TGFBR3: variants seen among roughly 807,000 people sequenced by gnomAD.
The protein encoded by TGFBR3 is transforming growth factor beta receptor 3.
Under a neutral mutation model 87.9 loss-of-function variants are expected in TGFBR3, and 46 were observed. That is an observed-to-expected ratio of 0.52 (90% confidence interval 0.41 to 0.67). The LOEUF (loss-of-function observed/expected upper bound fraction) is 0.67, where lower values mean the gene tolerates loss of function less well. TGFBR3 is among the 30% of genes least tolerant of loss of function. The pLI, the probability that TGFBR3 is intolerant of heterozygous loss-of-function variation, is 0.00. For missense variants in TGFBR3, 866 were observed against 1,041.9 expected (o/e 0.83, Z 2.32); for synonymous variants, 381 against 391.6 (o/e 0.97, Z 0.32).
rs143616364 is a variant in TGFBR3, at chr1:91,812,975, C to G, written c.62-15504G>C. ...GTTTTTTTCCAGTTCTGGCTGCAGG[C>G]CTGTGTCTCTGCCTCAAGCCTATCA... On this transcript the variant is annotated intron_variant, in intron 2 of 16. Transcript: ENST00000212355. Among the ~76,000 whole-genome samples the G allele has an allele frequency of 7.6e-3, 1,164 of 152,234 alleles. 30 individuals are homozygous for G. The highest frequency in any genetic ancestry group is 0.058 in the Admixed American group (883 of 15,278).
At chr1:91,770,571 T>C (rs1263936389) in intron 3 of TGFBR3, among the ~76,000 whole-genome samples, 2 of 152,236 alleles carry the variant, frequency 1.3e-5, no homozygotes, top group Non-Finnish European at 2.9e-5. Flanking sequence ...ATGTTAACTA[T>C]AGCTTGAATA....
At chr1:91,728,898 C>G (rs1325885311) in intron 6 of TGFBR3, among the ~76,000 whole-genome samples, 2 of 152,062 alleles carry the variant, frequency 1.3e-5, no homozygotes, top group East Asian at 3.9e-4. Context: ...CTTTAATTCC[C>G]TAATTATTCT....
intron 2 of TGFBR3, among the ~76,000 whole-genome samples, chr1:91,858,766 T>C (rs1678064194): frequency 6.6e-6 from 1 of 152,020 alleles, no homozygotes; most frequent in African/African-American, 2.4e-5. Context: ...TTATAAAATC[T>C]GTAATTCATC....
chr1:91,867,266 A>T (rs1678422045), intron 1 of TGFBR3, among the ~76,000 whole-genome samples: 1 of 152,244 alleles, frequency 6.6e-6, no homozygotes, highest in Non-Finnish European at 1.5e-5. Context: ...TTACTCTGGA[A>T]CCACCTGTAC....
Position 91,700,587 on chromosome 1 carries a change from T to C in TGFBR3, c.2288-2457A>G, listed in dbSNP as rs141059256. On this transcript the variant is annotated intron_variant, in intron 14 of 16. Coordinates refer to ENST00000212355, the MANE Select transcript of TGFBR3 (RefSeq NM_003243.5). ...ACATAGTGGCCCTGGAATGAGGATA[T>C]ATGCAAAAGTATACTTAAATACAAT... Among the ~76,000 whole-genome samples the C allele has an allele frequency of 1.8e-3, 268 of 152,300 alleles. 1 individual carries two copies. The highest frequency in any genetic ancestry group is 6.3e-3 in the African/African-American group (263 of 41,554).
chr1:91,697,473 AGGTTGAAGTCCT>A (rs1269855448), intron 15 of TGFBR3, among the ~76,000 whole-genome samples: 2 of 152,230 alleles, frequency 1.3e-5, no homozygotes, highest in African/African-American at 4.8e-5. Context: ...TGGGAAGTCC[AGGTTGAAGTCCT>A]GCCTCAATGC....
chr1:91,873,801 T>A (rs1313805610), intron 1 of TGFBR3, among the ~76,000 whole-genome samples: 1 of 151,966 alleles, frequency 6.6e-6, no homozygotes, highest in African/African-American at 2.4e-5. Context: ...ACAAAAAAAA[T>A]TGGCTGGGCC....
chr1:91,837,806 CTTCTA>C (rs66990307), intron 2 of TGFBR3, among the ~76,000 whole-genome samples: 48,603 of 151,686 alleles, frequency 0.32, 7,928 homozygotes, highest in Non-Finnish European at 0.35. Context: ...ATCATGAAAA[CTTCTA>C]TTCTTTTAAA....
intron 2 of TGFBR3, among the ~76,000 whole-genome samples, chr1:91,897,233 C>T (rs1328424343): frequency 6.6e-6 from 1 of 152,194 alleles, no homozygotes; most frequent in Non-Finnish European, 1.5e-5. Context: ...CAAATGTAGC[C>T]TGCGGGGGTA....
At chr1:91,790,502 C>T (rs114745998) in intron 3 of TGFBR3, among the ~76,000 whole-genome samples, 2 of 152,266 alleles carry the variant, frequency 1.3e-5, no homozygotes, top group African/African-American at 4.8e-5. Context: ...AACTAAATGA[C>T]CATTTCAGAG....
exon 1 of TGFBR3, chr1:91,905,830 A>G (rs1679834768): frequency 1.3e-5 from 2 of 152,240 alleles, no homozygotes; most frequent in Non-Finnish European, 2.9e-5. Flanking sequence ...ACTGACCTCA[A>G]TGTTGCCAGA....
chr1:91,690,909 CT>C (rs894659301), intron 16 of TGFBR3, among the ~76,000 whole-genome samples: 19 of 151,466 alleles, frequency 1.3e-4, no homozygotes, highest in East Asian at 7.7e-4. Flanking sequence ...TTTCCTCATT[CT>C]TTTTTTTTCC....
intron 13 of TGFBR3, among the ~76,000 whole-genome samples, chr1:91,711,118 T>C (rs1433618881): frequency 1.3e-5 from 2 of 152,138 alleles, no homozygotes. Context: ...ATGAAGCTCC[T>C]CATGGCTCTC....
chr1:91,799,998 G>A (rs1675538935), intron 2 of TGFBR3, among the ~76,000 whole-genome samples: 1 of 151,994 alleles, frequency 6.6e-6, no homozygotes, highest in Admixed American at 6.5e-5. Context: ...TAGAGCTCTA[G>A]CCACGGGTTG....
Position 91,693,005 on chromosome 1 carries a change from C to T in TGFBR3, c.2437+2667G>A, listed in dbSNP as rs191216393. Among the ~76,000 whole-genome samples, 47 of 152,314 alleles carry T rather than the reference C, an allele frequency of 3.1e-4. No individual in the cohort carries two copies. In the East Asian group the frequency reaches 7.9e-3, roughly 26 times the overall value. ...AGCTTCAATCACTGTTGAAATTGAACGGACTGAGTCAGTATTTGTATCCTG... is the reference window on the plus strand; with the variant it reads ...AGCTTCAATCACTGTTGAAATTGAATGGACTGAGTCAGTATTTGTATCCTG... On this transcript the variant is annotated intron_variant, in intron 16 of 16. Coordinates refer to ENST00000212355, the MANE Select transcript of TGFBR3 (RefSeq NM_003243.5).
At chr1:91,757,945 C>T (rs1177190098) in intron 4 of TGFBR3, among the ~76,000 whole-genome samples, 1 of 152,160 alleles carries the variant, frequency 6.6e-6, no homozygotes, top group African/African-American at 2.4e-5. Context: ...TTACAACTAC[C>T]AAGTTGCAGT....
chr1:91,719,050 C>G (rs1303248389), intron 10 of TGFBR3, among the ~76,000 whole-genome samples: 1 of 152,162 alleles, frequency 6.6e-6, no homozygotes, highest in African/African-American at 2.4e-5. Flanking sequence ...ATCACCTTGA[C>G]AGTGCAGCCT....
At chr1:91,874,687 G>C (rs551360334) in intron 1 of TGFBR3, among the ~76,000 whole-genome samples, 1 of 152,016 alleles carries the variant, frequency 6.6e-6, no homozygotes, top group Non-Finnish European at 1.5e-5. Flanking sequence ...TAGAGACGGG[G>C]TTTCACCATG....
chr1:91,834,446 G>T (rs893766871), intron 2 of TGFBR3, among the ~76,000 whole-genome samples: 7 of 152,190 alleles, frequency 4.6e-5, no homozygotes, highest in Non-Finnish European at 2.9e-5. Context: ...ACATATGAGT[G>T]TTTATTTTCC....
Sources: allele counts gnomAD v4.1 joint callset (sites outside exome capture counted in the v4.1 genomes callset), GRCh38; gene constraint gnomAD v4.1.1; transcripts MANE v1.5; gene names NCBI Gene and HGNC (gene_info 2026-07-23, HGNC 2026-07-21).